Variants in ROR2 observed in about 807,000 individuals in gnomAD.
ROR2 encodes the protein ROR family WNT receptor 2.
ROR2 carries 33 observed loss-of-function variants against 74.9 expected under a neutral mutation model. The ratio of observed to expected loss-of-function variants is 0.44; its 90% confidence interval spans 0.33 to 0.59. The LOEUF (loss-of-function observed/expected upper bound fraction) is 0.59, where lower values mean the gene tolerates loss of function less well. ROR2 is among the 20% of genes least tolerant of loss of function. The pLI is 0.02. For missense variants in ROR2, 1,216 were observed against 1,313.8 expected, an observed-to-expected ratio of 0.93 and a Z score of 1.15; for synonymous variants, 586 against 558.7, an observed-to-expected ratio of 1.05 and a Z score of -0.69.
intron 2 of ROR2, among the ~76,000 whole-genome samples, chr9:91,762,955 T>C: frequency 6.6e-6 from 1 of 152,104 alleles, no homozygotes; most frequent in African/African-American, 2.4e-5. Flanking sequence ...CATGACTGGA[T>C]AAAGAAAATG....
chr9:91,723,908 G>A lies in ROR2; in HGVS notation c.2586C>T (p.His862=), dbSNP rs56158629. The A allele has an allele frequency of 2.9e-4, 463 of 1,613,842 alleles. No individual in the cohort carries two copies. The highest frequency in any genetic ancestry group is 3.8e-4 in the Non-Finnish European group (445 of 1,180,050). ...PPQMVPKPSS[H]HSGSGSTSTG... ...TGCTGGTGGAGCCACTGCCACTGTG[G>A]TGTGAGCTGGGCTTGGGGACCATCT... The change falls in exon 9 of 9, where the codon CAC becomes CAT. Residue 862 remains histidine (H), a synonymous_variant. Transcript: ENST00000375708.
intron 4 of ROR2, among the ~76,000 whole-genome samples, chr9:91,744,903 C>G (rs1825360000): frequency 6.6e-6 from 1 of 152,152 alleles, no homozygotes; most frequent in Non-Finnish European, 1.5e-5. Context: ...TGGAAGGTTG[C>G]TGTATCCTTG....
intron 1 of ROR2, among the ~76,000 whole-genome samples, chr9:91,927,589 G>T (rs543977108): frequency 4.3e-5 from 4 of 93,404 alleles, no homozygotes; most frequent in South Asian, 3.3e-4. Context: ...TTTTTGAGAC[G>T]GAGTCTCTCT....
chr9:91,933,389 AT>A (rs1475905407), intron 1 of ROR2, among the ~76,000 whole-genome samples: 4 of 152,072 alleles, frequency 2.6e-5, no homozygotes, highest in Admixed American at 1.3e-4. Flanking sequence ...AAAAAAAAAA[AT>A]ATGTTTACAG....
chr9:91,928,798 G>A (rs938023831), intron 1 of ROR2, among the ~76,000 whole-genome samples: 3 of 152,212 alleles, frequency 2.0e-5, no homozygotes, highest in Non-Finnish European at 4.4e-5. Context: ...AGTAAGTGGA[G>A]GACCCCCGTT....
chr9:91,916,846 A>G (rs1831148793), intron 1 of ROR2, among the ~76,000 whole-genome samples: 1 of 152,162 alleles, frequency 6.6e-6, no homozygotes, highest in South Asian at 2.1e-4. Flanking sequence ...AAGAAAGGTG[A>G]AGTCGGCCAC....
intron 1 of ROR2, among the ~76,000 whole-genome samples, chr9:91,776,423 A>C (rs1187002795): frequency 1.3e-5 from 2 of 152,198 alleles, no homozygotes; most frequent in East Asian, 3.8e-4. Flanking sequence ...CTTTCATAAA[A>C]TGTCCATGAC....
At chr9:91,910,591 T>C (rs1310309295) in intron 1 of ROR2, among the ~76,000 whole-genome samples, 1 of 152,012 alleles carries the variant, frequency 6.6e-6, no homozygotes, top group East Asian at 1.9e-4. Context: ...AATAACAGGT[T>C]AATATCCAAA....
chr9:91,922,839 C>T (rs1831307183), intron 1 of ROR2, among the ~76,000 whole-genome samples: 1 of 152,084 alleles, frequency 6.6e-6, no homozygotes, highest in Admixed American at 6.6e-5. Flanking sequence ...CTCTCCAAAT[C>T]AGCTGCATAG....
chr9:91,902,662 A>G (rs1268085209), intron 1 of ROR2, among the ~76,000 whole-genome samples: 4 of 152,226 alleles, frequency 2.6e-5, no homozygotes, highest in African/African-American at 9.6e-5. Context: ...AACTGAAGCA[A>G]CAAGAAAGGG....
chr9:91,906,019 C>CACA (rs55696548), intron 1 of ROR2, among the ~76,000 whole-genome samples: 3 of 147,654 alleles, frequency 2.0e-5, no homozygotes, highest in African/African-American at 7.5e-5. Context: ...AAAAAAAAAA[C>CACA]CACACACACA....
chr9:91,756,066 C>A lies in ROR2; in HGVS notation c.494+5G>T. ...GAACACGGCTTGGGGAAAACAGATACTTACTGAAAGTTATGATTTGGGCTG... is the reference window on the plus strand; with the variant it reads ...GAACACGGCTTGGGGAAAACAGATAATTACTGAAAGTTATGATTTGGGCTG... On this transcript the variant is annotated splice_donor_5th_base_variant and intron_variant, in intron 4 of 8. Transcript: ENST00000375708. 1 of 1,613,942 alleles carries A rather than the reference C, an allele frequency of 6.2e-7. No homozygotes were observed. Among genetic ancestry groups the A allele is most frequent in the Non-Finnish European group, 8.5e-7 (1 of 1,179,802 alleles).
At chr9:91,727,825 A>G (rs1447996815) in intron 7 of ROR2, among the ~76,000 whole-genome samples, 1 of 152,210 alleles carries the variant, frequency 6.6e-6, no homozygotes, top group Non-Finnish European at 1.5e-5. Context: ...ACTCGGTTCT[A>G]AAAGTGAACA....
rs969652131 is a variant in ROR2 at position 91,949,989 on chromosome 9, C to A, written c.-26G>T. On this transcript the variant is annotated 5_prime_UTR_variant, in exon 1 of 9. Coordinates refer to ENST00000375708, the MANE Select transcript of ROR2 (RefSeq NM_004560.4). ...GCCGCAGGCAGTGGGGGCCGGGAAGCCCTCAGAGCTTCGGGCCGGGGCGCG... is the reference window on the plus strand; with the variant it reads ...GCCGCAGGCAGTGGGGGCCGGGAAGACCTCAGAGCTTCGGGCCGGGGCGCG... 4.5e-6 allele frequency: 6 copies of A among 1,319,542 alleles called. No homozygotes were observed. The Admixed American group carries it at 2.3e-4, about 50-fold the overall frequency. The allele number at this position is 1,319,542 out of a possible 1,614,324, so 81.7% of individuals were successfully genotyped here.
At chr9:91,811,179 G>A (rs1827739384) in intron 1 of ROR2, among the ~76,000 whole-genome samples, 2 of 152,228 alleles carry the variant, frequency 1.3e-5, no homozygotes, top group African/African-American at 4.8e-5. Context: ...CAGCGGCGCT[G>A]GTGGGGGAAA....
chr9:91,769,178 C>A (rs1288606518), intron 2 of ROR2, among the ~76,000 whole-genome samples: 1 of 152,092 alleles, frequency 6.6e-6, no homozygotes. Flanking sequence ...CTGCTCCCTC[C>A]CCATGTCATC....
intron 2 of ROR2, among the ~76,000 whole-genome samples, chr9:91,770,090 T>TA (rs1826180337): frequency 6.6e-6 from 1 of 152,058 alleles, no homozygotes; most frequent in Non-Finnish European, 1.5e-5. Context: ...TCTATGTGTC[T>TA]AGACCCTGTA....
chr9:91,795,543 A>G (rs1827139729), intron 1 of ROR2, among the ~76,000 whole-genome samples: 1 of 152,224 alleles, frequency 6.6e-6, no homozygotes, highest in South Asian at 2.1e-4. Flanking sequence ...TAAGTTAGCA[A>G]TCATATCACC....
chr9:91,852,636 C>CACACACAT (rs1829136424), intron 1 of ROR2, among the ~76,000 whole-genome samples: 3 of 151,290 alleles, frequency 2.0e-5, no homozygotes, highest in Non-Finnish European at 4.4e-5. Context: ...CACACACACA[C>CACACACAT]ACACACACAC....
Sources: allele counts gnomAD v4.1 joint callset (sites outside exome capture counted in the v4.1 genomes callset), GRCh38; gene constraint gnomAD v4.1.1; transcripts MANE v1.5; gene names NCBI Gene and HGNC (gene_info 2026-07-23, HGNC 2026-07-21).